MTMR3: variants seen among roughly 807,000 people sequenced by gnomAD.
The protein encoded by MTMR3 is phosphatidylinositol-3,5-bisphosphate 3-phosphatase MTMR3.
A neutral mutation model predicts 132.4 loss-of-function variants in MTMR3; 32 were observed. The ratio of observed to expected loss-of-function variants is 0.24; its 90% CI spans 0.18 to 0.32. The LOEUF is 0.32. MTMR3 is among the 10% of genes least tolerant of loss of function. The pLI is 1.00. For missense variants in MTMR3, 1,216 were observed against 1,489.6 expected, an observed-to-expected ratio of 0.82 and a Z score of 3.02; for synonymous variants, 556 against 550.3, an observed-to-expected ratio of 1.01 and a Z score of -0.14.
rs2067988691 is a variant in MTMR3, at chr22:30,030,326, T to A, written c.*4525T>A. On this transcript the variant is annotated 3_prime_UTR_variant, in exon 20 of 20. Transcript: ENST00000401950. The stretch of plus-strand genomic sequence containing the variant: ...CATTTAAAATTGGCCTTTAACAGCT[T>A]CCCAACTAGCTTATAAGATTTTTTT... 1 of 145,294 alleles carries A rather than the reference T, an allele frequency of 6.9e-6. No homozygotes were observed. The highest frequency in any genetic ancestry group is 7.3e-5 in the Admixed American group (1 of 13,704). The allele number at this position is 145,294 out of a possible 1,614,324, so 9.0% of individuals were successfully genotyped here.
At chr22:29,890,614 A>G (rs1448361585) in intron 1 of MTMR3, among the ~76,000 whole-genome samples, 1 of 152,200 alleles carries the variant, frequency 6.6e-6, no homozygotes, top group Non-Finnish European at 1.5e-5. Context: ...GTCTATTTCA[A>G]ATTCCCATCA....
chr22:29,914,602 T>A (rs576901807), intron 1 of MTMR3, among the ~76,000 whole-genome samples: 5 of 152,256 alleles, frequency 3.3e-5, no homozygotes, highest in Admixed American at 2.6e-4. Flanking sequence ...CTTTATGTAG[T>A]CAGTTATTTT....
At chr22:29,976,120 GT>G (rs34984702) in intron 3 of MTMR3, among the ~76,000 whole-genome samples, 71,162 of 141,810 alleles carry the variant, frequency 0.5, 17,486 homozygotes, top group East Asian at 0.72. Flanking sequence ...TATAGTGTGT[GT>G]TTTTTTTTTT....
intron 2 of MTMR3, among the ~76,000 whole-genome samples, chr22:29,959,829 G>T (rs2066275052): frequency 6.6e-6 from 1 of 151,280 alleles, no homozygotes; most frequent in Admixed American, 6.6e-5. Flanking sequence ...TGTGATCATG[G>T]GTCACTGCAG....
chr22:29,931,667 C>A (rs1158302993), intron 1 of MTMR3, among the ~76,000 whole-genome samples: 1 of 152,150 alleles, frequency 6.6e-6, no homozygotes, highest in African/African-American at 2.4e-5. Context: ...CCTGCCTTGG[C>A]CTTCCAAAGT....
intron 5 of MTMR3, chr22:29,984,467 C>CAGTT (rs1321480125): frequency 1.3e-5 from 2 of 152,190 alleles, no homozygotes; most frequent in African/African-American, 2.4e-5. Context: ...TAAACTGCTG[C>CAGTT]TCTTCTGCTT....
intron 14 of MTMR3, chr22:30,015,821 ATC>A (rs1190280944): frequency 6.6e-6 from 1 of 152,114 alleles, no homozygotes; most frequent in Non-Finnish European, 1.5e-5. Flanking sequence ...CTCTTCTGCA[ATC>A]TCCTTTAGTC....
chr22:29,926,841 A>C (rs1360342180), intron 1 of MTMR3, among the ~76,000 whole-genome samples: 1 of 152,214 alleles, frequency 6.6e-6, no homozygotes, highest in African/African-American at 2.4e-5. Context: ...AATTTTGATG[A>C]AATCCCATTT....
At chr22:29,895,427 G>A (rs924993825) in intron 1 of MTMR3, among the ~76,000 whole-genome samples, 4 of 152,126 alleles carry the variant, frequency 2.6e-5, no homozygotes, top group Non-Finnish European at 5.9e-5. Context: ...TTTGAGATTC[G>A]ATGAACTCTT....
chr22:30,009,791 A>T (rs1456515977), intron 12 of MTMR3: 1 of 152,238 alleles, frequency 6.6e-6, no homozygotes, highest in African/African-American at 2.4e-5. Flanking sequence ...ATAAGTATTT[A>T]AAAATCCTGT....
At chr22:29,951,412 A>G (rs991464109) in intron 1 of MTMR3, among the ~76,000 whole-genome samples, 3 of 152,150 alleles carry the variant, frequency 2.0e-5, no homozygotes, top group African/African-American at 7.2e-5. Flanking sequence ...TAACAATGAA[A>G]TTTGTTAAGG....
chr22:30,018,194 T>G (rs1320371622), intron 16 of MTMR3, 122 bp downstream of exon 16: 21 of 1,141,014 alleles, frequency 1.8e-5, no homozygotes, highest in African/African-American at 3.2e-5. Context: ...TTCTTAGGTC[T>G]CTGCAGTTTT....
At chr22:30,018,265 G>A in intron 16 of MTMR3, 193 bp downstream of exon 16, 1 of 584,712 alleles carries the variant, frequency 1.7e-6, no homozygotes. Context: ...TTCTGGGAGT[G>A]AGTTAGGCCC....
chr22:29,951,253 C>T (rs533456914), intron 1 of MTMR3, among the ~76,000 whole-genome samples: 84 of 152,162 alleles, frequency 5.5e-4, no homozygotes, highest in South Asian at 2.5e-3. Context: ...TAATTTTTAC[C>T]GTTTTTAGCA....
intron 1 of MTMR3, among the ~76,000 whole-genome samples, chr22:29,902,980 T>C (rs1220908481): frequency 6.6e-6 from 1 of 152,130 alleles, no homozygotes; most frequent in Non-Finnish European, 1.5e-5. Context: ...CCTAGCACTT[T>C]GGGAGGCCGA....
At position 30,020,303 on chromosome 22, in the gene MTMR3, C is replaced by T. The variant is rs143833997; in HGVS notation, c.2644C>T (p.Pro882Ser). ...GGACAGGCTTCCTCAGACCATGGAA[C>T]CCAGCCCTTCAGAGACAAGCCTGGT... ...GKDRLPQTMEPSPSETSLVER... is the reference protein window; with the variant it reads ...GKDRLPQTMESSPSETSLVER... Residue 882 changes from proline to serine, a missense_variant, in exon 17 of 20, where the codon CCC (proline) becomes TCC (serine). Coordinates refer to ENST00000401950, the MANE Select transcript of MTMR3 (RefSeq NM_021090.4). The T allele has an allele frequency of 2.0e-4, 327 of 1,614,220 alleles. 2 individuals carry two copies. In the African/African-American group the frequency reaches 3.9e-3, roughly 19 times the overall value.
chr22:29,996,651 C>G (rs1382626813), intron 7 of MTMR3: 1 of 152,148 alleles, frequency 6.6e-6, no homozygotes, highest in African/African-American at 2.4e-5. Context: ...TTGGAATTTG[C>G]CACAGTTTTG....
chr22:30,008,854 C>G, intron 11 of MTMR3, 164 bp from the exon 12 acceptor site: 1 of 508,946 alleles, frequency 2.0e-6, no homozygotes, highest in South Asian at 3.2e-5. Context: ...GTGTGTTCCT[C>G]TTATTATAAA....
Position 30,012,433 on chromosome 22 carries a change from T to G in MTMR3, c.1187T>G (p.Leu396Arg). 1 of 1,614,196 alleles carries G rather than the reference T, an allele frequency of 6.2e-7. No individual in the cohort carries two copies. The highest frequency in any genetic ancestry group is 8.5e-7 in the Non-Finnish European group (1 of 1,180,012). The change falls in exon 13 of 20, where the codon CTT becomes CGT. Residue 396 changes from leucine to arginine, a missense_variant. Physicochemically the swap from Leu to Arg is moderately radical, Grantham distance 102. Transcript: ENST00000401950. The stretch of plus-strand genomic sequence containing the variant: ...TTGTCTGTGCTTCTGAAATCAGCGC[T>G]TCTGGTAGTGCATGCTGTGGATCAG... ...HHLSVLLKSALLVVHAVDQDQ... is the reference protein window; with the variant it reads ...HHLSVLLKSARLVVHAVDQDQ...
Sources: gnomAD v4.1 joint callset for allele counts (sites outside exome capture counted in the v4.1 genomes callset) on GRCh38, gnomAD v4.1.1 for gene constraint, MANE v1.5 for transcripts, NCBI Gene and HGNC (gene_info 2026-07-23, HGNC 2026-07-21) for gene names.